SYT1: variants seen among roughly 807,000 people sequenced by gnomAD.
The protein encoded by SYT1 is synaptotagmin 1.
In SYT1, 8 loss-of-function variants were observed where a neutral mutation model predicts 44.8. The ratio of observed to expected loss-of-function variants is 0.18; its 90% CI spans 0.10 to 0.32. SYT1 has a LOEUF of 0.32. SYT1 is among the 10% of genes least tolerant of loss of function. The pLI is 1.00. For missense variants in SYT1, 286 were observed against 509.3 expected, an observed-to-expected ratio of 0.56 and a Z score of 4.22; for synonymous variants, 154 against 188.8, an observed-to-expected ratio of 0.82 and a Z score of 1.51.
intron 8 of SYT1, among the ~76,000 whole-genome samples, chr12:79,304,180 C>T (rs1159967503): frequency 2.0e-5 from 3 of 152,210 alleles, no homozygotes; most frequent in Non-Finnish European, 4.4e-5. Flanking sequence ...TGGTTCCTCA[C>T]CAAGTGTAAT....
At chr12:78,987,447 A>G (rs1055177775) in intron 2 of SYT1, among the ~76,000 whole-genome samples, 13 of 152,042 alleles carry the variant, frequency 8.6e-5, no homozygotes, top group African/African-American at 2.4e-4. Flanking sequence ...TGTGGGGGAA[A>G]AAAAGACACA....
intron 4 of SYT1, among the ~76,000 whole-genome samples, chr12:79,219,978 A>G (rs749005280): frequency 6.6e-6 from 1 of 151,942 alleles, no homozygotes; most frequent in Non-Finnish European, 1.5e-5. Flanking sequence ...TCCTTCTTCC[A>G]TTTTTGGAAG....
intron 4 of SYT1, among the ~76,000 whole-genome samples, chr12:79,274,089 TAAATA>T (rs1009931568): frequency 6.6e-6 from 1 of 151,864 alleles, no homozygotes. Flanking sequence ...TCTGAAAAAA[TAAATA>T]AATAAGAAAG....
intron 9 of SYT1, among the ~76,000 whole-genome samples, chr12:79,405,400 T>A (rs896931141): frequency 6.6e-6 from 1 of 152,208 alleles, no homozygotes; most frequent in African/African-American, 2.4e-5. Flanking sequence ...ATAATTTAAA[T>A]ATTGATTAAT....
chr12:79,059,298 C>T (rs1319984601), intron 3 of SYT1, among the ~76,000 whole-genome samples: 1 of 152,012 alleles, frequency 6.6e-6, no homozygotes, highest in East Asian at 1.9e-4. Context: ...GGGACACAAC[C>T]AAACCATATC....
At chr12:78,988,423 A>T (rs1287216071) in intron 2 of SYT1, among the ~76,000 whole-genome samples, 2 of 147,568 alleles carry the variant, frequency 1.4e-5, no homozygotes, top group Admixed American at 1.4e-4. Context: ...AATAAATATT[A>T]TATATATATA....
At chr12:79,253,504 TCTC>T (rs1877345136) in intron 4 of SYT1, among the ~76,000 whole-genome samples, 3 of 151,528 alleles carry the variant, frequency 2.0e-5, no homozygotes, top group African/African-American at 7.3e-5. Flanking sequence ...TCTCTCTCTC[TCTC>T]TCTCTCTCTC....
At chr12:79,330,012 G>A (rs1455857075) in intron 8 of SYT1, among the ~76,000 whole-genome samples, 1 of 152,066 alleles carries the variant, frequency 6.6e-6, no homozygotes, top group Non-Finnish European at 1.5e-5. Flanking sequence ...TAAGGAGAGA[G>A]GAATAAATTT....
intron 2 of SYT1, among the ~76,000 whole-genome samples, chr12:79,019,180 A>G (rs181156763): frequency 2.9e-4 from 44 of 152,108 alleles, no homozygotes; most frequent in African/African-American, 1.1e-3. Flanking sequence ...CTGACAATCT[A>G]ATGGAGAGAG....
At chr12:79,386,834 C>T (rs1484460545) in intron 9 of SYT1, among the ~76,000 whole-genome samples, 1 of 152,176 alleles carries the variant, frequency 6.6e-6, no homozygotes, top group Non-Finnish European at 1.5e-5. Context: ...CTCATTGCTA[C>T]TTCAGTTTCC....
intron 2 of SYT1, among the ~76,000 whole-genome samples, chr12:79,044,493 C>A (rs1403227459): frequency 2.0e-5 from 3 of 147,228 alleles, no homozygotes; most frequent in African/African-American, 7.6e-5. Flanking sequence ...CCTTTAAGCA[C>A]TTCTCTGTAT....
intron 1 of SYT1, among the ~76,000 whole-genome samples, chr12:78,940,712 A>G (rs1033332323): frequency 3.3e-5 from 5 of 152,166 alleles, no homozygotes; most frequent in African/African-American, 1.2e-4. Context: ...TTAATGTGAC[A>G]AAATTACTTT....
intron 9 of SYT1, among the ~76,000 whole-genome samples, chr12:79,429,363 C>T (rs1274071138): frequency 9.2e-5 from 14 of 151,882 alleles, no homozygotes; most frequent in African/African-American, 2.9e-4. Context: ...CCAGCCACCA[C>T]GCCTGGCAAA....
At chr12:79,030,939 G>C (rs1406593779) in intron 2 of SYT1, among the ~76,000 whole-genome samples, 2 of 150,898 alleles carry the variant, frequency 1.3e-5, no homozygotes, top group East Asian at 3.9e-4. Context: ...GTCTCCAGTA[G>C]AGTTATAGTA....
At chr12:79,391,061 C>T (rs1884637820) in intron 9 of SYT1, among the ~76,000 whole-genome samples, 1 of 152,196 alleles carries the variant, frequency 6.6e-6, no homozygotes, top group African/African-American at 2.4e-5. Context: ...GGGAAAGCTG[C>T]TTAACAACTC....
intron 2 of SYT1, among the ~76,000 whole-genome samples, chr12:79,018,427 G>A (rs532930332): frequency 5.8e-4 from 88 of 152,032 alleles, no homozygotes; most frequent in Non-Finnish European, 9.9e-4. Context: ...CACCAACATG[G>A]CACATGTATA....
chr12:79,215,684 G>C (rs1420675218), intron 3 of SYT1, among the ~76,000 whole-genome samples: 1 of 151,824 alleles, frequency 6.6e-6, no homozygotes. Context: ...AACAGAGCAA[G>C]ACCCTATCTC....
At chr12:79,067,464 CAGTT>C (rs1004586650) in intron 3 of SYT1, among the ~76,000 whole-genome samples, 4 of 152,050 alleles carry the variant, frequency 2.6e-5, no homozygotes, top group South Asian at 2.1e-4. Flanking sequence ...TTTCTAGAGT[CAGTT>C]AGTTTCAAGA....
At chr12:79,076,477 C>T (rs769151433) in intron 3 of SYT1, among the ~76,000 whole-genome samples, 1 of 152,096 alleles carries the variant, frequency 6.6e-6, no homozygotes, top group African/African-American at 2.4e-5. Context: ...CTCATACTTT[C>T]TATCCATTCT....
Sources: allele counts gnomAD v4.1 joint callset (sites outside exome capture counted in the v4.1 genomes callset), GRCh38; gene constraint gnomAD v4.1.1; transcripts MANE v1.5; gene names NCBI Gene and HGNC (gene_info 2026-07-23, HGNC 2026-07-21).